Variants in ZAP70 observed in about 807,000 individuals in gnomAD.
The protein encoded by ZAP70 is zeta chain of T cell receptor associated protein kinase 70, also known as tyrosine-protein kinase ZAP-70.
In ZAP70, 27 loss-of-function variants were observed where a neutral mutation model predicts 65.8. The ratio of observed to expected loss-of-function variants is 0.41; its 90% confidence interval spans 0.30 to 0.57. ZAP70 has a LOEUF of 0.57. ZAP70 is among the 20% of genes least tolerant of loss of function. The pLI, the probability that ZAP70 is intolerant of heterozygous loss-of-function variation, is 0.28. For synonymous variants in ZAP70, 363 were observed against 360.8 expected, an observed-to-expected ratio of 1.01 and a Z score of -0.07; for missense variants, 696 against 870.5, an observed-to-expected ratio of 0.80 and a Z score of 2.52.
At chr2:97,738,893 C>T (rs1159906055) in intron 13 of ZAP70, among the ~76,000 whole-genome samples, 1 of 152,132 alleles carries the variant, frequency 6.6e-6, no homozygotes, top group Non-Finnish European at 1.5e-5. Context: ...ATGGATACCC[C>T]ATGCACAGTA....
chr2:97,734,609 G>A lies in ZAP70; in HGVS notation c.979G>A (p.Asp327Asn), dbSNP rs1376561896. 6.2e-7 allele frequency: 1 copy of A among 1,614,118 alleles called. No individual in the cohort carries two copies. The highest frequency in any genetic ancestry group is 8.5e-7 in the Non-Finnish European group (1 of 1,180,042). Residue 327 changes from aspartate (D) to asparagine (N), a missense_variant, in exon 9 of 14, where the codon GAC becomes AAC. By Grantham distance (23) the Asp-to-Asn change is conservative (BLOSUM62 1). This residue lies in a region of ZAP70 where 551 missense variants were observed against 630.0 expected (regional missense o/e 0.87). Coordinates refer to ENST00000264972, the MANE Select transcript of ZAP70 (RefSeq NM_001079.4). ...SPYSDPEELK[D>N]KKLFLKRDNL... ...CTACAGCGACCCAGAGGAGCTCAAG[G>A]ACAAGAAGCTCTTCCTGAAGCGCGA...
At chr2:97,754,006 T>C in the ZAP70 span, among the ~76,000 whole-genome samples, 4 of 152,052 alleles carry the variant, frequency 2.6e-5, no homozygotes, top group Admixed American at 6.5e-5. Context: ...AATAAAGACA[T>C]CCACTATCAT....
intron 4 of ZAP70, among the ~76,000 whole-genome samples, chr2:97,729,179 T>C (rs1373150817): frequency 6.6e-6 from 1 of 152,248 alleles, no homozygotes; most frequent in Non-Finnish European, 1.5e-5. Context: ...AGATCATGGT[T>C]GGTCCTGAAC....
chr2:97,738,806 C>T (rs1396909575), intron 13 of ZAP70, among the ~76,000 whole-genome samples: 1 of 152,006 alleles, frequency 6.6e-6, no homozygotes, highest in Non-Finnish European at 1.5e-5. Context: ...GTGTTAATTC[C>T]ACCTCCATCA....
At chr2:97,740,290 G>A (rs932773811), downstream of ZAP70, among the ~76,000 whole-genome samples, 11 of 152,142 alleles carry the variant, frequency 7.2e-5, no homozygotes, top group African/African-American at 2.4e-4. Context: ...CGTATGAACC[G>A]TATTACTGAA....
At chr2:97,717,136 G>A (rs866159123) in intron 2 of ZAP70, among the ~76,000 whole-genome samples, 61 of 152,316 alleles carry the variant, frequency 4.0e-4, no homozygotes, top group African/African-American at 1.4e-3. Flanking sequence ...CAGGCGGCCC[G>A]AGCACAGCTG....
At chr2:97,755,481 C>T in the ZAP70 span, among the ~76,000 whole-genome samples, 1 of 152,202 alleles carries the variant, frequency 6.6e-6, no homozygotes, top group African/African-American at 2.4e-5. Context: ...TCCAGCCTGG[C>T]TTTGGGGTAT....
At chr2:97,721,790 T>G (rs1220855504) in intron 2 of ZAP70, among the ~76,000 whole-genome samples, 1 of 151,234 alleles carries the variant, frequency 6.6e-6, no homozygotes, top group East Asian at 1.9e-4. Context: ...TTTATCTTTT[T>G]TTTTTTTGAG....
At chr2:97,724,537 C>G in intron 3 of ZAP70, 99 bp downstream of exon 3, 1 of 1,528,434 alleles carries the variant, frequency 6.5e-7, no homozygotes, top group South Asian at 1.2e-5. Context: ...GGTCGTCTTC[C>G]CCATTCAGTC....
At chr2:97,724,527 G>T (rs560210342) in intron 3 of ZAP70, 89 bp downstream of exon 3, 19 of 1,521,472 alleles carry the variant, frequency 1.2e-5, no homozygotes, top group African/African-American at 6.9e-5. Context: ...GGGAGGAAAA[G>T]GTCGTCTTCC....
chr2:97,724,057 C>T lies in ZAP70; in HGVS notation c.21C>T (p.His7=). 1 of 1,556,382 alleles carries T rather than the reference C, an allele frequency of 6.4e-7. No homozygotes were observed. Among genetic ancestry groups the T allele is most frequent in the Non-Finnish European group, 8.6e-7 (1 of 1,156,546 alleles). MPDPAA[H]LPFFYGSISR... ...GGGCGATGCCAGACCCCGCGGCGCA[C>T]CTGCCCTTCTTCTACGGCAGCATCT... is the stretch of plus-strand genomic sequence containing the variant. Residue 7 remains histidine (H), a synonymous_variant, in exon 3 of 14, where the codon CAC becomes CAT. Transcript: ENST00000264972.
At chr2:97,722,773 T>A (rs6711959) in intron 2 of ZAP70, among the ~76,000 whole-genome samples, 17,701 of 152,280 alleles carry the variant, frequency 0.12, 1,160 homozygotes, top group Middle Eastern at 0.16. Context: ...TGTGTCTATC[T>A]GGCTGTCTAT....
the ZAP70 span, among the ~76,000 whole-genome samples, chr2:97,752,021 G>GT: frequency 6.6e-6 from 1 of 152,214 alleles, no homozygotes; most frequent in Non-Finnish European, 1.5e-5. Context: ...GGAAAAAGGA[G>GT]TATCTCTGTC....
intron 4 of ZAP70, among the ~76,000 whole-genome samples, chr2:97,726,432 A>G (rs1468101079): frequency 6.6e-6 from 1 of 152,216 alleles, no homozygotes; most frequent in East Asian, 1.9e-4. Flanking sequence ...TTTTCCCCCA[A>G]GAAATCTGTG....
the ZAP70 span, among the ~76,000 whole-genome samples, chr2:97,749,726 C>T: frequency 6.6e-6 from 1 of 152,220 alleles, no homozygotes; most frequent in Non-Finnish European, 1.5e-5. Context: ...GGTCCAAATC[C>T]AGTCCCTCTA....
At chr2:97,735,785 G>A (rs896049010) in intron 10 of ZAP70, among the ~76,000 whole-genome samples, 1 of 152,202 alleles carries the variant, frequency 6.6e-6, no homozygotes, top group Non-Finnish European at 1.5e-5. Flanking sequence ...AGGCCAAGGC[G>A]GGTGGATCAT....
Position 97,739,759 on chromosome 2 carries a change from C to T in ZAP70, c.*261C>T. 1.8e-6 allele frequency: 1 copy of T among 557,184 alleles called. No individual in the cohort carries two copies. The highest frequency in any genetic ancestry group is 2.3e-5 in the South Asian group (1 of 43,640). 34.5% of individuals were successfully genotyped at this position (557,184 alleles called of 1,614,324 possible). On this transcript the variant is annotated 3_prime_UTR_variant, in exon 14 of 14. Transcript: ENST00000264972. ...CTCCCGGAGGGCCCTGAGCTGAGGG[C>T]ATTGCTTACACGGATGCCTTCCCCT...
rs1409719127 is a variant in ZAP70, at chr2:97,737,378, C to T, written c.1290-95C>T. Reference sequence around the variant, plus strand: ...TAAGCGTTTTTGAACACATGGTCACCTGGCTCATGCCCAGCTGGGTCAGAG... The same window carrying T: ...TAAGCGTTTTTGAACACATGGTCACTTGGCTCATGCCCAGCTGGGTCAGAG... On this transcript the variant is annotated intron_variant, in intron 10 of 13. Coordinates refer to ENST00000264972, the MANE Select transcript of ZAP70 (RefSeq NM_001079.4). The surrounding 1 kb of genome is among the most constrained non-coding windows in gnomAD (Gnocchi z 5.0). The T allele has an allele frequency of 1.5e-6, 2 of 1,372,598 alleles. No individual in the cohort carries two copies. Among genetic ancestry groups the T allele is most frequent in the East Asian group, 2.3e-5 (1 of 43,020 alleles). 85.0% of individuals were successfully genotyped at this position (1,372,598 alleles called of 1,614,324 possible).
intron 4 of ZAP70, among the ~76,000 whole-genome samples, chr2:97,727,813 C>G (rs896983924): frequency 1.7e-4 from 26 of 152,180 alleles, no homozygotes; most frequent in African/African-American, 6.3e-4. Flanking sequence ...TTCTTCTTCT[C>G]TCTTTCCCTC....
Sources: gnomAD v4.1 joint callset for allele counts (sites outside exome capture counted in the v4.1 genomes callset) on GRCh38, gnomAD v4.1.1 for gene constraint, gnomAD v4.1.1 regional missense constraint, Gnocchi (gnomAD v3.1) non-coding constraint, MANE v1.5 for transcripts, NCBI Gene and HGNC (gene_info 2026-07-23, HGNC 2026-07-21) for gene names.